Variants in ARHGEF18 observed in about 807,000 individuals in gnomAD.
ARHGEF18 encodes rho guanine nucleotide exchange factor 18.
ARHGEF18 carries 93 observed loss-of-function variants against 155.7 expected under a neutral mutation model. The observed-to-expected ratio is 0.60, with a 90% CI of 0.50 to 0.71. ARHGEF18 has a LOEUF of 0.71. Ranked by LOEUF, ARHGEF18 falls within the 30% of genes least tolerant of loss-of-function variation. The pLI, the probability that ARHGEF18 is intolerant of heterozygous loss-of-function variation, is 0.00. For synonymous variants in ARHGEF18, 742 were observed against 753.1 expected (o/e 0.99, Z 0.24); for missense variants, 1,593 against 1,816.1 (o/e 0.88, Z 2.23).
Position 7,355,068 on chromosome 19 carries a change from TCACACACACACA to T in ARHGEF18, c.-111+5862_-111+5873del, listed in dbSNP as rs60457716. On this transcript the variant is annotated intron_variant, in intron 1 of 28. Coordinates refer to ENST00000668164, the MANE Select transcript of ARHGEF18 (RefSeq NM_001367823.1). ...CTGACCTCACGGATACCAATGGGCT[TCACACACACACA>T]CACACACACACACACACACACACAC... Among the ~76,000 whole-genome samples the T allele has an allele frequency of 1.9e-3, 279 of 146,648 alleles. 1 individual carries two copies. Among genetic ancestry groups the T allele is most frequent in the East Asian group, 7.1e-3 (35 of 4,918 alleles).
chr19:7,474,825 G>A (rs908369880), downstream of ARHGEF18, among the ~76,000 whole-genome samples: 14 of 142,924 alleles, frequency 9.8e-5, no homozygotes, highest in East Asian at 2.1e-4. Flanking sequence ...AACCCCAGCC[G>A]TCCTCTGACC....
downstream of ARHGEF18, chr19:7,477,372 G>T (rs1442877474): frequency 6.4e-7 from 1 of 1,559,346 alleles, no homozygotes; most frequent in African/African-American, 1.4e-5. Flanking sequence ...AGGTTGCTGA[G>T]AAGTGACAGC....
downstream of ARHGEF18, among the ~76,000 whole-genome samples, chr19:7,474,865 C>T (rs992256145): frequency 1.3e-5 from 2 of 151,958 alleles, no homozygotes; most frequent in African/African-American, 4.8e-5. Context: ...CACTGGGATG[C>T]CCCCAGCCTT....
At position 7,466,901 on chromosome 19, in the gene ARHGEF18, C is replaced by T. The variant is rs770987472; in HGVS notation, c.2905-17C>T. On this transcript the variant is annotated splice_polypyrimidine_tract_variant and intron_variant, in intron 23 of 28. Transcript: ENST00000668164. ...TCTTGAGCCACTCTCTCTGGTTTGA[C>T]GGTGTCCTCTTCCCAGGTGGAGGCG... The T allele has an allele frequency of 1.2e-6, 2 of 1,612,514 alleles. No individual in the cohort carries two copies. Among genetic ancestry groups the T allele is most frequent in the East Asian group, 2.2e-5 (1 of 44,864 alleles).
intron 10 of ARHGEF18, among the ~76,000 whole-genome samples, chr19:7,396,234 C>G (rs1023512742): frequency 6.6e-6 from 1 of 152,176 alleles, no homozygotes; most frequent in South Asian, 2.1e-4. Context: ...ACCACGGAAG[C>G]GAAGCGGCCA....
At chr19:7,456,281 T>C in intron 17 of ARHGEF18, 46 bp from the exon 18 acceptor site, 1 of 1,593,646 alleles carries the variant, frequency 6.3e-7, no homozygotes, top group Non-Finnish European at 8.6e-7. Context: ...CAAGACCTCC[T>C]GGCTATGGGA....
At chr19:7,457,389 C>G (rs1975910034) in intron 18 of ARHGEF18, among the ~76,000 whole-genome samples, 1 of 108,406 alleles carries the variant, frequency 9.2e-6, no homozygotes, top group Admixed American at 1.3e-4. Flanking sequence ...TTGAGACAGT[C>G]TCACTCTGTC....
At chr19:7,439,396 G>A (rs1974483400) in intron 10 of ARHGEF18, among the ~76,000 whole-genome samples, 1 of 152,056 alleles carries the variant, frequency 6.6e-6, no homozygotes, top group Admixed American at 6.6e-5. Flanking sequence ...TAAGGCTGCA[G>A]TGAGCTATGG....
intron 2 of ARHGEF18, among the ~76,000 whole-genome samples, chr19:7,366,932 GTTT>G (rs1323143742): frequency 3.5e-5 from 5 of 143,206 alleles, no homozygotes; most frequent in Admixed American, 1.4e-4. Flanking sequence ...CCGGCTAGTT[GTTT>G]TTTTTTTTTA....
chr19:7,353,957 TAAA>T (rs587629242), intron 1 of ARHGEF18, among the ~76,000 whole-genome samples: 1 of 136,312 alleles, frequency 7.3e-6, no homozygotes, highest in Non-Finnish European at 1.6e-5. Flanking sequence ...AGACTCTGTC[TAAA>T]AAAAAAAAAA....
At chr19:7,447,798 A>T (rs1192562985) in intron 15 of ARHGEF18, among the ~76,000 whole-genome samples, 2 of 152,094 alleles carry the variant, frequency 1.3e-5, no homozygotes, top group Non-Finnish European at 2.9e-5. Context: ...GTTCGAGACC[A>T]GCCTGGGCAA....
At chr19:7,477,531 C>A in the ARHGEF18 span, 1 of 1,079,184 alleles carries the variant, frequency 9.3e-7, no homozygotes, top group South Asian at 2.0e-5. Context: ...AGCCCTGAGC[C>A]CCTGCCTGTG....
Position 7,434,032 on chromosome 19 carries a change from AAAAAAG to A in ARHGEF18, c.968-6306_968-6301del, listed in dbSNP as rs1600423857. On this transcript the variant is annotated intron_variant, in intron 10 of 28. Transcript: ENST00000668164. Reference sequence around the variant, plus strand: ...AGATCTGTCTCATTAAAAAAAAAAAAAAAAAGAAAAAAAAAGTATGGAGTCTTTTGT... The same window carrying A: ...AGATCTGTCTCATTAAAAAAAAAAAAAAAAAAAAAGTATGGAGTCTTTTGT... Among the ~76,000 whole-genome samples the A allele has an allele frequency of 4.9e-5, 6 of 121,854 alleles. No individual in the cohort carries two copies. In the East Asian group the frequency reaches 1.6e-3, roughly 33 times the overall value. The allele number at this position is 121,854 out of a possible 152,430, so 79.9% of individuals were successfully genotyped here.
At chr19:7,410,787 G>A (rs1021205625) in intron 10 of ARHGEF18, among the ~76,000 whole-genome samples, 2 of 141,302 alleles carry the variant, frequency 1.4e-5, no homozygotes, top group Non-Finnish European at 3.0e-5. Flanking sequence ...TCCAGCCTGG[G>A]CAGCAGCGTG....
chr19:7,449,342 G>T (rs115399983), intron 15 of ARHGEF18, among the ~76,000 whole-genome samples: 3 of 152,082 alleles, frequency 2.0e-5, no homozygotes, highest in Non-Finnish European at 4.4e-5. Context: ...GGGAGGCCAA[G>T]GCAGGCGGAT....
intron 15 of ARHGEF18, among the ~76,000 whole-genome samples, chr19:7,447,785 G>A (rs1975088894): frequency 6.6e-6 from 1 of 152,068 alleles, no homozygotes. Flanking sequence ...CTTGAGGCCA[G>A]GAGTTCGAGA....
chr19:7,441,971 G>A lies in ARHGEF18; in HGVS notation c.1279G>A (p.Glu427Lys). ...IESDGHEFEAESWSLAVDAAY... is the reference protein window; with the variant it reads ...IESDGHEFEAKSWSLAVDAAY... ...GTCAGACGGCCACGAGTTTGAAGCT[G>A]AGTCCTGGAGCCTCGCCGTGGATGC... Residue 427 changes from glutamate to lysine, a missense_variant, in exon 13 of 29, where the codon GAG (glutamate) becomes AAG (lysine). Glu to Lys is a moderately conservative substitution (Grantham distance 56). Transcript: ENST00000668164. 1 of 1,614,130 alleles carries A rather than the reference G, an allele frequency of 6.2e-7. No individual in the cohort carries two copies. The highest frequency in any genetic ancestry group is 8.5e-7 in the Non-Finnish European group (1 of 1,180,032).
Position 7,458,545 on chromosome 19 carries a change from C to T in ARHGEF18, c.2215C>T (p.Leu739Phe). The change falls in exon 19 of 29, where the codon CTC (leucine) becomes TTC (phenylalanine). Residue 739 changes from leucine (L) to phenylalanine (F), a missense_variant. Physicochemically the swap from Leu to Phe is conservative, Grantham distance 22 (BLOSUM62 0). Coordinates refer to ENST00000668164, the MANE Select transcript of ARHGEF18 (RefSeq NM_001367823.1). ...SKPPVISLQK[L>F]IVREVANEEK... ...GCCACCCGTCATCTCGTTACAAAAGCTCATCGTGAGGGAAGTGGCCAACGA... is the reference window on the plus strand; with the variant it reads ...GCCACCCGTCATCTCGTTACAAAAGTTCATCGTGAGGGAAGTGGCCAACGA... The T allele has an allele frequency of 6.2e-7, 1 of 1,614,130 alleles. No homozygotes were observed. Among genetic ancestry groups the T allele is most frequent in the Non-Finnish European group, 8.5e-7 (1 of 1,180,020 alleles).
At chr19:7,450,934 CCG>C in intron 15 of ARHGEF18, among the ~76,000 whole-genome samples, 1 of 152,156 alleles carries the variant, frequency 6.6e-6, no homozygotes, top group African/African-American at 2.4e-5. Context: ...ATCTTGCTGT[CCG>C]TTTCCGAGAT....
Sources: allele counts gnomAD v4.1 joint callset (sites outside exome capture counted in the v4.1 genomes callset), GRCh38; gene constraint gnomAD v4.1.1; transcripts MANE v1.5; gene names NCBI Gene and HGNC (gene_info 2026-07-23, HGNC 2026-07-21).